The following PPM1B variants were observed in gnomAD, a reference collection of about 807,000 sequenced individuals.
The protein encoded by PPM1B is protein phosphatase 1B.
A neutral mutation model predicts 43.0 loss-of-function variants in PPM1B; 22 were observed. That is an observed-to-expected ratio of 0.51 (90% CI 0.37 to 0.73). The LOEUF (loss-of-function observed/expected upper bound fraction) is 0.73. PPM1B is among the 30% of genes least tolerant of loss of function. The pLI, the probability that PPM1B is intolerant of heterozygous loss-of-function variation, is 0.00. For missense variants in PPM1B, 632 were observed against 584.2 expected (o/e 1.08, Z -0.84); for synonymous variants, 217 against 197.9 (o/e 1.10, Z -0.81).
At chr2:44,228,908 C>T (rs991447140) in intron 5 of PPM1B, among the ~76,000 whole-genome samples, 1 of 152,208 alleles carries the variant, frequency 6.6e-6, no homozygotes, top group South Asian at 2.1e-4. Context: ...TTCAGCCAGG[C>T]ACGGTAGCTC....
downstream of PPM1B, chr2:44,244,468 A>AT (rs1024576943): frequency 8.3e-6 from 8 of 963,680 alleles, no homozygotes; most frequent in Non-Finnish European, 9.1e-6. Context: ...TCAAAATCAT[A>AT]TTTTTTCCTG....
At chr2:44,170,998 TG>T (rs1667314135) in intron 1 of PPM1B, among the ~76,000 whole-genome samples, 1 of 152,244 alleles carries the variant, frequency 6.6e-6, no homozygotes, top group African/African-American at 2.4e-5. Context: ...CATTTGTTTT[TG>T]CTCTCATGAA....
At chr2:44,189,840 G>A (rs1399104203) in intron 1 of PPM1B, among the ~76,000 whole-genome samples, 1 of 152,072 alleles carries the variant, frequency 6.6e-6, no homozygotes, top group Non-Finnish European at 1.5e-5. Flanking sequence ...CCCATTGATG[G>A]CATACCTCTT....
At position 44,201,794 on chromosome 2, in the gene PPM1B, T is replaced by G; in HGVS notation, c.595T>G (p.Ser199Ala). ...ACGTGTTAATGGTTCATTAGCAGTA[T>G]CTCGTGCTCTGGGGGACTATGATTA... ...IQRVNGSLAV[S>A]RALGDYDYKC... Residue 199 changes from serine (S) to alanine (A), a missense_variant, in exon 2 of 6, where the codon TCT (serine) becomes GCT (alanine). Physicochemically the swap from Ser to Ala is moderately conservative, Grantham distance 99. Transcript: ENST00000282412. The surrounding 1 kb of genome is among the most constrained non-coding windows in gnomAD (Gnocchi z 5.4). 6.2e-7 allele frequency: 1 copy of G among 1,614,218 alleles called. No homozygotes were observed.
chr2:44,180,614 C>T (rs1667828347), intron 1 of PPM1B, among the ~76,000 whole-genome samples: 1 of 151,682 alleles, frequency 6.6e-6, no homozygotes, highest in Admixed American at 6.6e-5. Flanking sequence ...TTTTAAATTA[C>T]TTTTGTTTTT....
chr2:44,195,459 G>A (rs1558403359), intron 1 of PPM1B, among the ~76,000 whole-genome samples: 1 of 151,520 alleles, frequency 6.6e-6, no homozygotes, highest in Non-Finnish European at 1.5e-5. Context: ...GATCCTCCCA[G>A]CTAGGCGTCC....
chr2:44,228,233 A>T (rs1465068986), intron 5 of PPM1B, among the ~76,000 whole-genome samples: 1 of 133,564 alleles, frequency 7.5e-6, no homozygotes, highest in Non-Finnish European at 1.5e-5. Flanking sequence ...TGTCGTTCAG[A>T]CTGGTGTTCA....
intron 5 of PPM1B, among the ~76,000 whole-genome samples, chr2:44,227,689 T>A (rs1670280054): frequency 6.6e-6 from 1 of 151,330 alleles, no homozygotes; most frequent in South Asian, 2.1e-4. Context: ...CTGGCTAATT[T>A]TTGTATTTTT....
At chr2:44,206,697 C>T (rs1669206524) in intron 2 of PPM1B, among the ~76,000 whole-genome samples, 1 of 151,966 alleles carries the variant, frequency 6.6e-6, no homozygotes, top group African/African-American at 2.4e-5. Flanking sequence ...CATAAAATTG[C>T]TTTATAAAGT....
chr2:44,245,351 G>A (rs934869818), downstream of PPM1B, among the ~76,000 whole-genome samples: 1 of 152,138 alleles, frequency 6.6e-6, no homozygotes, highest in African/African-American at 2.4e-5. Flanking sequence ...AGCCTCTAGT[G>A]TGAGTGTCAG....
chr2:44,198,500 CT>C (rs905264242), intron 1 of PPM1B, among the ~76,000 whole-genome samples: 1 of 152,074 alleles, frequency 6.6e-6, no homozygotes, highest in Non-Finnish European at 1.5e-5. Context: ...TAATTGTTTG[CT>C]TTTTTGATAT....
At chr2:44,200,028 C>A (rs1206882783) in intron 1 of PPM1B, among the ~76,000 whole-genome samples, 1 of 152,026 alleles carries the variant, frequency 6.6e-6, no homozygotes, top group East Asian at 1.9e-4. Context: ...CACCAGCATG[C>A]TTTTTTGATG....
chr2:44,191,706 G>A (rs1668411561), intron 1 of PPM1B, among the ~76,000 whole-genome samples: 1 of 151,860 alleles, frequency 6.6e-6, no homozygotes, highest in East Asian at 1.9e-4. Flanking sequence ...TCTCTGGGTG[G>A]ATACTCTATA....
intron 3 of PPM1B, among the ~76,000 whole-genome samples, chr2:44,216,745 G>A (rs563899263): frequency 3.3e-5 from 5 of 152,184 alleles, no homozygotes; most frequent in Admixed American, 6.5e-5. Context: ...GGCCAACATG[G>A]TGAAACCCCA....
chr2:44,220,237 A>G (rs190365577), intron 5 of PPM1B, among the ~76,000 whole-genome samples: 337 of 150,246 alleles, frequency 2.2e-3, no homozygotes, highest in Middle Eastern at 6.9e-3. Context: ...CAAAGTGTCA[A>G]CCCTCATGTG....
At chr2:44,244,374 A>G (rs1264709422) in exon 6 of PPM1B, 5 of 1,351,198 alleles carry the variant, frequency 3.7e-6, no homozygotes, top group Non-Finnish European at 4.0e-6. Context: ...ACCCAGCATT[A>G]TATAATTATA....
In PPM1B at chr2:44,177,046, C is replaced by T. The variant is rs566364064; in HGVS notation, c.-15+7772C>T. 1.9e-3 allele frequency among the ~76,000 whole-genome samples: 288 copies of T among 152,320 alleles called. 2 individuals carry two copies. Among genetic ancestry groups the T allele is most frequent in the Middle Eastern group, 0.014 (4 of 294 alleles). ...CTGCCCGCCTCAGCCTTCCAAAGTG[C>T]TGGGATTACAGGCATGAGCCACCGT... On this transcript the variant is annotated intron_variant, in intron 1 of 5. Transcript: ENST00000282412.
chr2:44,218,542 GT>G lies in PPM1B; in HGVS notation c.1134+9del. On this transcript the variant is annotated splice_donor_region_variant and intron_variant, in intron 5 of 5. Transcript: ENST00000282412. ...CCACATAGAGAAAGTGATGGGGTAA[GT>G]TTTATTTTATTTCATAAGCATTTGA... The G allele has an allele frequency of 6.4e-7, 1 of 1,565,784 alleles. No individual in the cohort carries two copies. The highest frequency in any genetic ancestry group is 8.7e-7 in the Non-Finnish European group (1 of 1,154,510).
intron 2 of PPM1B, among the ~76,000 whole-genome samples, chr2:44,203,700 A>T (rs752127615): frequency 6.6e-6 from 1 of 152,244 alleles, no homozygotes; most frequent in Non-Finnish European, 1.5e-5. Flanking sequence ...TATTGTAGAG[A>T]GATCTCCATG....
Sources: allele counts gnomAD v4.1 joint callset (sites outside exome capture counted in the v4.1 genomes callset), GRCh38; gene constraint gnomAD v4.1.1; non-coding constraint Gnocchi (gnomAD v3.1); transcripts MANE v1.5; gene names NCBI Gene and HGNC (gene_info 2026-07-23, HGNC 2026-07-21).